Variants in BCAS1 observed in about 807,000 individuals in gnomAD.
BCAS1 encodes breast carcinoma-amplified sequence 1.
In BCAS1, 46 loss-of-function variants were observed where a neutral mutation model predicts 65.4. The ratio of observed to expected loss-of-function variants is 0.70; its 90% CI spans 0.55 to 0.90. The LOEUF is 0.90. Ranked by LOEUF, BCAS1 falls within the 40% of genes least tolerant of loss-of-function variation. BCAS1 has a pLI of 0.00. For synonymous variants in BCAS1, 298 were observed against 293.5 expected (o/e 1.02, Z -0.16); for missense variants, 793 against 771.2 (o/e 1.03, Z -0.33).
At chr20:54,005,789 CAG>C (rs2091173325) in intron 4 of BCAS1, among the ~76,000 whole-genome samples, 1 of 152,038 alleles carries the variant, frequency 6.6e-6, no homozygotes, top group Non-Finnish European at 1.5e-5. Flanking sequence ...CTCGCAGAAA[CAG>C]GGAGGAATGC....
intron 4 of BCAS1, among the ~76,000 whole-genome samples, chr20:54,020,282 G>A (rs143379666): frequency 2.3e-3 from 351 of 151,920 alleles, no homozygotes; most frequent in Middle Eastern, 6.8e-3. Context: ...GAGTCAGATG[G>A]GACAATACCA....
intron 4 of BCAS1, among the ~76,000 whole-genome samples, chr20:54,006,923 G>C: frequency 6.6e-6 from 1 of 152,200 alleles, no homozygotes; most frequent in Non-Finnish European, 1.5e-5. Flanking sequence ...CAAAAACACA[G>C]ATAAACTAAT....
rs747634193 is a variant in BCAS1, at chr20:54,054,783, C to T, written c.142+3302G>A. On this transcript the variant is annotated intron_variant, in intron 3 of 12. Transcript: ENST00000688948. ...CCCTCGTCATGTGCAGGTGTTCACACGGCAACTGCTGTCTCAGACTGTTGT... is the reference window on the plus strand; with the variant it reads ...CCCTCGTCATGTGCAGGTGTTCACATGGCAACTGCTGTCTCAGACTGTTGT... Among the ~76,000 whole-genome samples, 6 of 152,188 alleles carry T rather than the reference C, an allele frequency of 3.9e-5. No homozygotes were observed. The East Asian group carries it at 7.7e-4, about 19-fold the overall frequency.
Position 53,943,602 on chromosome 20 carries a change from C to T in BCAS1, c.*1320G>A, listed in dbSNP as rs2146150856. On this transcript the variant is annotated 3_prime_UTR_variant, in exon 13 of 13. Transcript: ENST00000688948. The stretch of plus-strand genomic sequence containing the variant: ...AGAAAGATACAGTTTACATGACTGT[C>T]AGTCAATCATATGCTACTTTGAATT... The T allele has an allele frequency of 1.3e-5, 2 of 152,314 alleles. No homozygotes were observed. The highest frequency in any genetic ancestry group is 3.9e-4 in the East Asian group (2 of 5,192). The allele number at this position is 152,314 out of a possible 1,614,324, so 9.4% of individuals were successfully genotyped here.
chr20:54,043,642 C>T (rs1282638637), intron 3 of BCAS1, among the ~76,000 whole-genome samples: 1 of 152,132 alleles, frequency 6.6e-6, no homozygotes, highest in Non-Finnish European at 1.5e-5. Flanking sequence ...CTTACATGGT[C>T]CTCAGACTTG....
chr20:54,030,530 A>G (rs1600929594), intron 3 of BCAS1, among the ~76,000 whole-genome samples: 1 of 151,820 alleles, frequency 6.6e-6, no homozygotes, highest in East Asian at 1.9e-4. Flanking sequence ...GAAGACAGAA[A>G]AATAAAGGGA....
At chr20:54,023,907 A>G (rs1329865201) in intron 4 of BCAS1, among the ~76,000 whole-genome samples, 1 of 152,220 alleles carries the variant, frequency 6.6e-6, no homozygotes, top group Non-Finnish European at 1.5e-5. Context: ...GTTGAGGACT[A>G]TGGAAGGGAA....
chr20:54,021,172 A>G (rs2091548402), intron 4 of BCAS1, among the ~76,000 whole-genome samples: 3 of 152,162 alleles, frequency 2.0e-5, no homozygotes, highest in Admixed American at 2.0e-4. Flanking sequence ...TGACACAGAC[A>G]CGTGACTCAA....
chr20:54,051,587 C>T (rs6097745), intron 3 of BCAS1, among the ~76,000 whole-genome samples: 41,793 of 151,998 alleles, frequency 0.27, 5,948 homozygotes, highest in East Asian at 0.37. Context: ...AGTGATGAAT[C>T]CAGAGGAAGC....
At chr20:54,000,470 A>G (rs12480106) in intron 4 of BCAS1, among the ~76,000 whole-genome samples, 22,697 of 152,252 alleles carry the variant, frequency 0.15, 1,805 homozygotes, top group Middle Eastern at 0.2. Flanking sequence ...AATCTCAAAA[A>G]TTACTAGTGA....
In BCAS1 at chr20:53,995,038, C is replaced by A; in HGVS notation, c.901G>T (p.Glu301Ter). The change falls in exon 6 of 13, where the codon GAA (glutamate) becomes TAA (stop). Residue 301 changes from glutamate (E) to a stop codon, truncating the protein, a stop_gained. Coordinates refer to ENST00000688948, the MANE Select transcript of BCAS1 (RefSeq NM_001366298.2). LOFTEE classifies it high-confidence loss of function. ...FKTLVSPNKA[E>*]TKKDPEDTAS... ...GTGTCTTCTGGGTCCTTTTTTGTTT[C>A]AGCTTTGTTAGGTGAAACCTTAAAA... 6.2e-7 allele frequency: 1 copy of A among 1,613,338 alleles called. No homozygotes were observed. Among genetic ancestry groups the A allele is most frequent in the South Asian group, 1.1e-5 (1 of 91,052 alleles).
intron 4 of BCAS1, among the ~76,000 whole-genome samples, chr20:54,003,816 G>A (rs985224164): frequency 5.3e-5 from 8 of 152,210 alleles, no homozygotes; most frequent in African/African-American, 1.9e-4. Flanking sequence ...AATTCTGGGA[G>A]AAAAGTGTTT....
At chr20:54,061,157 C>T (rs1336036542) in intron 1 of BCAS1, among the ~76,000 whole-genome samples, 1 of 152,120 alleles carries the variant, frequency 6.6e-6, no homozygotes, top group African/African-American at 2.4e-5. Context: ...TATGAGGTAG[C>T]CGAAACTCGA....
chr20:53,957,671 T>C (rs772211632), intron 10 of BCAS1, among the ~76,000 whole-genome samples, 174 bp from the exon 11 acceptor site: 10 of 152,244 alleles, frequency 6.6e-5, no homozygotes, highest in Non-Finnish European at 1.2e-4. Context: ...CCATGCAATT[T>C]CTAACCAGAT....
chr20:53,998,935 A>C (rs1167720134), intron 4 of BCAS1, among the ~76,000 whole-genome samples: 1 of 152,246 alleles, frequency 6.6e-6, no homozygotes, highest in Non-Finnish European at 1.5e-5. Flanking sequence ...GTTTCAAACA[A>C]TGAAATGAGG....
chr20:54,066,141 C>T (rs1002402560), intron 1 of BCAS1, among the ~76,000 whole-genome samples: 1 of 149,964 alleles, frequency 6.7e-6, no homozygotes, highest in African/African-American at 2.5e-5. Flanking sequence ...GGCGCCATTT[C>T]GGCTCACTGC....
chr20:54,041,013 C>T (rs189685684), intron 3 of BCAS1, among the ~76,000 whole-genome samples: 87 of 151,386 alleles, frequency 5.7e-4, no homozygotes, highest in African/African-American at 2.1e-3. Flanking sequence ...AAACAAAGCA[C>T]CGATCCATGT....
chr20:54,056,310 G>A (rs457299), intron 3 of BCAS1, among the ~76,000 whole-genome samples: 5,503 of 152,184 alleles, frequency 0.036, 134 homozygotes, highest in Middle Eastern at 0.088. Flanking sequence ...TTGCAGCAAC[G>A]TGGATGGAAC....
intron 9 of BCAS1, among the ~76,000 whole-genome samples, chr20:53,973,535 A>G (rs1457025904): frequency 6.6e-6 from 1 of 152,164 alleles, no homozygotes; most frequent in Non-Finnish European, 1.5e-5. Flanking sequence ...GCTGCGGGAA[A>G]CACAGGGTTC....
Sources: gnomAD v4.1 joint callset for allele counts (sites outside exome capture counted in the v4.1 genomes callset) on GRCh38, gnomAD v4.1.1 for gene constraint, MANE v1.5 for transcripts, NCBI Gene and HGNC (gene_info 2026-07-23, HGNC 2026-07-21) for gene names.